The following VANGL2 variants were observed in gnomAD, a reference collection of about 807,000 sequenced individuals.
VANGL2 encodes VANGL planar cell polarity protein 2.
VANGL2 carries 14 observed loss-of-function variants against 50.2 expected under a neutral mutation model. The ratio of observed to expected loss-of-function variants is 0.28; its 90% CI spans 0.18 to 0.44. The LOEUF (loss-of-function observed/expected upper bound fraction) is 0.44, where lower values mean the gene tolerates loss of function less well. Among genes scored for constraint, VANGL2 ranks in the 20% least tolerant of loss-of-function variants. The pLI, the probability that VANGL2 is intolerant of heterozygous loss-of-function variation, is 1.00. For synonymous variants in VANGL2, 295 were observed against 297.2 expected (o/e 0.99, Z 0.08); for missense variants, 533 against 701.5 (o/e 0.76, Z 2.71).
chr1:160,412,367 C>T (rs960947687), intron 1 of VANGL2, among the ~76,000 whole-genome samples: 1 of 152,036 alleles, frequency 6.6e-6, no homozygotes, highest in African/African-American at 2.4e-5. Context: ...CCCCATGTCA[C>T]TCTGTGACCC....
intron 1 of VANGL2, among the ~76,000 whole-genome samples, chr1:160,406,461 G>A (rs1306673509): frequency 6.6e-6 from 1 of 152,190 alleles, no homozygotes; most frequent in Admixed American, 6.5e-5. Flanking sequence ...CAGCATCTGG[G>A]CAGAAACCTC....
chr1:160,413,362 C>G (rs1405259588), intron 1 of VANGL2, among the ~76,000 whole-genome samples: 1 of 150,936 alleles, frequency 6.6e-6, no homozygotes, highest in Non-Finnish European at 1.5e-5. Flanking sequence ...CTCACTGCAA[C>G]CTCCACCTCC....
intron 5 of VANGL2, among the ~76,000 whole-genome samples, chr1:160,420,776 T>C (rs138279762): frequency 6.6e-6 from 1 of 152,352 alleles, no homozygotes; most frequent in East Asian, 1.9e-4. Flanking sequence ...TCTGTGTCTC[T>C]CATCAGCCCT....
chr1:160,422,297 C>T (rs1488633277), intron 6 of VANGL2, among the ~76,000 whole-genome samples: 1 of 152,182 alleles, frequency 6.6e-6, no homozygotes, highest in Non-Finnish European at 1.5e-5. Flanking sequence ...ATGTCCCTAC[C>T]CCTTTATCTT....
intron 6 of VANGL2, among the ~76,000 whole-genome samples, chr1:160,423,087 G>C (rs1172732647): frequency 2.0e-5 from 3 of 152,086 alleles, no homozygotes; most frequent in Non-Finnish European, 4.4e-5. Context: ...TGTATTTTTA[G>C]TAAAGATGGG....
intron 1 of VANGL2, 131 bp from the exon 2 acceptor site, chr1:160,415,517 G>A: frequency 2.5e-6 from 1 of 400,524 alleles, no homozygotes; most frequent in South Asian, 2.2e-5. Flanking sequence ...CAGGAACCTG[G>A]GTGGAGATAT....
chr1:160,423,038 TG>T (rs958671904), intron 6 of VANGL2, among the ~76,000 whole-genome samples: 25 of 152,114 alleles, frequency 1.6e-4, no homozygotes, highest in African/African-American at 5.1e-4. Flanking sequence ...CCCCAGTAGC[TG>T]GGATTACAGA....
intron 1 of VANGL2, among the ~76,000 whole-genome samples, chr1:160,410,643 G>A (rs896432218): frequency 7.3e-5 from 11 of 151,324 alleles, no homozygotes; most frequent in African/African-American, 2.0e-4. Context: ...GTCCGCCCTG[G>A]TCTGTGTTTT....
intron 1 of VANGL2, among the ~76,000 whole-genome samples, chr1:160,410,375 A>C (rs1447463408): frequency 1.3e-5 from 2 of 151,084 alleles, no homozygotes; most frequent in African/African-American, 4.9e-5. Context: ...TGGCCTACTC[A>C]CCCTGGTTTC....
chr1:160,425,431 A>ACCCTGGGGGGGGCCGGGGGGGGGGGGGT lies in VANGL2; in HGVS notation c.*53_*54insCCCTGGGGGGGGCCGGGGGGGGGGGGGT. On this transcript the variant is annotated 3_prime_UTR_variant, in exon 8 of 8. Transcript: ENST00000368061. ...CTCTGGGGGGTCCTGAGGGGGTGGG[A>ACCCTGGGGGGGGCCGGGGGGGGGGGGGT]GGGGGCTTGGTTCTCAGGCCCAGCC... The ACCCTGGGGGGGGCCGGGGGGGGGGGGGT allele has an allele frequency of 5.3e-6, 1 of 189,358 alleles. No homozygotes were observed. The highest frequency in any genetic ancestry group is 9.3e-6 in the Non-Finnish European group (1 of 107,972). 11.7% of individuals were successfully genotyped at this position (189,358 alleles called of 1,614,324 possible).
chr1:160,420,693 C>T, intron 5 of VANGL2, 146 bp downstream of exon 5: 2 of 1,284,932 alleles, frequency 1.6e-6, no homozygotes, highest in South Asian at 2.6e-5. Flanking sequence ...CCCTTGACTC[C>T]AGGTGGCTGA....
At chr1:160,415,430 C>T (rs1322855301) in intron 1 of VANGL2, among the ~76,000 whole-genome samples, 1 of 152,212 alleles carries the variant, frequency 6.6e-6, no homozygotes, top group African/African-American at 2.4e-5. Flanking sequence ...GCCATCTTCC[C>T]CCATGCCTGA....
chr1:160,421,130 A>G lies in VANGL2; in HGVS notation c.1016A>G (p.Asn339Ser). Residue 339 changes from asparagine (N) to serine (S), a missense_variant, in exon 6 of 8, where the codon AAT becomes AGT. By Grantham distance (46) the Asn-to-Ser change is conservative. Transcript: ENST00000368061. ...GCTCGGAGGCGGGACAACAGTCACA[A>G]TGAGTACTACTATGAGGAGGCTGAG... ...AAARRRDNSH[N>S]EYYYEEAEHE... 1 of 1,614,132 alleles carries G rather than the reference A, an allele frequency of 6.2e-7. No homozygotes were observed. Among genetic ancestry groups the G allele is most frequent in the Non-Finnish European group, 8.5e-7 (1 of 1,180,034 alleles).
At chr1:160,407,818 C>T (rs755174571) in intron 1 of VANGL2, among the ~76,000 whole-genome samples, 12 of 152,218 alleles carry the variant, frequency 7.9e-5, no homozygotes, top group African/African-American at 1.9e-4. Context: ...TGGGCAGGTA[C>T]GGGCCAGTTC....
chr1:160,428,292 C>T lies in VANGL2; in HGVS notation c.*2914C>T, dbSNP rs975363161. 6.5e-6 allele frequency: 1 copy of T among 152,738 alleles called. No homozygotes were observed. The highest frequency in any genetic ancestry group is 2.4e-5 in the African/African-American group (1 of 41,460). The allele number at this position is 152,738 out of a possible 1,614,324, so 9.5% of individuals were successfully genotyped here. ...GTGTCTGTCAGTCCGTCTGTCTTCTCTTTCCTCTGCCCTTCCCACAGGGCA... is the reference window on the plus strand; with the variant it reads ...GTGTCTGTCAGTCCGTCTGTCTTCTTTTTCCTCTGCCCTTCCCACAGGGCA... On this transcript the variant is annotated 3_prime_UTR_variant, in exon 8 of 8. Coordinates refer to ENST00000368061, the MANE Select transcript of VANGL2 (RefSeq NM_020335.3).
chr1:160,419,183 C>T lies in VANGL2; in HGVS notation c.374C>T (p.Ala125Val), dbSNP rs1413096766. Residue 125 changes from alanine (A) to valine (V), a missense_variant, in exon 4 of 8, where the codon GCC (alanine) becomes GTC (valine). Transcript: ENST00000368061. The surrounding 1 kb of genome is among the most constrained non-coding windows in gnomAD (Gnocchi z 5.8). Reference sequence around the variant, plus strand: ...CTGCTGTCTTTCCTCACGCCTCTGGCCTTCCTGCTGCTGCCCCCACTGCTG... The same window carrying T: ...CTGCTGTCTTTCCTCACGCCTCTGGTCTTCCTGCTGCTGCCCCCACTGCTG... ...LALLSFLTPLAFLLLPPLLWR... is the reference protein window; with the variant it reads ...LALLSFLTPLVFLLLPPLLWR... The T allele has an allele frequency of 1.1e-5, 18 of 1,613,704 alleles. No homozygotes were observed. The highest frequency in any genetic ancestry group is 1.2e-5 in the Non-Finnish European group (14 of 1,180,016).
intron 1 of VANGL2, among the ~76,000 whole-genome samples, chr1:160,408,227 G>C (rs1650752193): frequency 6.6e-6 from 1 of 152,034 alleles, no homozygotes; most frequent in Admixed American, 6.5e-5. Context: ...GCCAGGGTGG[G>C]TGGAGCTGGG....
At chr1:160,407,465 C>T (rs1650715506) in intron 1 of VANGL2, among the ~76,000 whole-genome samples, 1 of 152,178 alleles carries the variant, frequency 6.6e-6, no homozygotes, top group African/African-American at 2.4e-5. Flanking sequence ...ACAGTGCCCC[C>T]ATATGTTCTT....
In VANGL2 at chr1:160,419,393, C is replaced by T. The variant is rs776927008; in HGVS notation, c.584C>T (p.Ser195Phe). 3.1e-6 allele frequency: 5 copies of T among 1,612,360 alleles called. No homozygotes were observed. The South Asian group carries it at 3.3e-5, about 11-fold the overall frequency. The part of the protein sequence containing the change: ...LMVLVFLLVV[S>F]YWLFYGVRIL... ...GTGCTGGTTTTCCTGCTCGTGGTCTCCTACTGGCTCTTCTATGGTGTGCGC... is the reference window on the plus strand; with the variant it reads ...GTGCTGGTTTTCCTGCTCGTGGTCTTCTACTGGCTCTTCTATGGTGTGCGC... Residue 195 changes from serine (S) to phenylalanine (F), a missense_variant, in exon 4 of 8, where the codon TCC (serine) becomes TTC (phenylalanine). Physicochemically the swap from Ser to Phe is radical, Grantham distance 155. Transcript: ENST00000368061. This position sits in a 1 kb window ranked among gnomAD's most constrained non-coding sequence, Gnocchi z 5.8.
Sources: allele counts gnomAD v4.1 joint callset (sites outside exome capture counted in the v4.1 genomes callset), GRCh38; gene constraint gnomAD v4.1.1; non-coding constraint Gnocchi (gnomAD v3.1); transcripts MANE v1.5; gene names NCBI Gene and HGNC (gene_info 2026-07-23, HGNC 2026-07-21).